Variants in ERC2 observed in about 807,000 individuals in gnomAD.
ERC2 encodes ERC protein 2.
A neutral mutation model predicts 114.8 loss-of-function variants in ERC2; 42 were observed. The ratio of observed to expected loss-of-function variants is 0.37; its 90% confidence interval spans 0.29 to 0.47. The LOEUF (loss-of-function observed/expected upper bound fraction) is 0.47, where lower values mean the gene tolerates loss of function less well. ERC2 is among the 20% of genes least tolerant of loss of function. The pLI is 0.99. For missense variants in ERC2, 939 were observed against 1,150.7 expected (o/e 0.82, Z 2.66); for synonymous variants, 454 against 425.5 (o/e 1.07, Z -0.82).
chr3:56,089,445 T>C (rs1259777281), intron 6 of ERC2, among the ~76,000 whole-genome samples: 1 of 152,138 alleles, frequency 6.6e-6, no homozygotes, highest in East Asian at 1.9e-4. Flanking sequence ...AATAGCCCCA[T>C]TTAAAAAGTA....
At chr3:56,081,895 C>T (rs1017198244) in intron 6 of ERC2, among the ~76,000 whole-genome samples, 31 of 152,058 alleles carry the variant, frequency 2.0e-4, no homozygotes, top group African/African-American at 4.3e-4. Context: ...ATATTTGCAA[C>T]CATGTTTATA....
chr3:55,901,789 C>T (rs2064150467), intron 13 of ERC2, among the ~76,000 whole-genome samples: 1 of 152,162 alleles, frequency 6.6e-6, no homozygotes, highest in Admixed American at 6.5e-5. Flanking sequence ...AAGGAAGAAT[C>T]CCTCCACAAA....
rs1286681746 is a variant in ERC2 at position 55,822,522 on chromosome 3, C to T, written c.2564+65867G>A. On this transcript the variant is annotated intron_variant, in intron 14 of 17. Coordinates refer to ENST00000288221, the MANE Select transcript of ERC2 (RefSeq NM_015576.3). ...TTCATCCTCATCATGGTTCTTATCA[C>T]CAGCTGGACTGTTCTGACTTACAAG... Among the ~76,000 whole-genome samples the T allele has an allele frequency of 2.6e-5, 4 of 151,910 alleles. No individual in the cohort carries two copies. The East Asian group carries it at 7.7e-4, about 29-fold the overall frequency.
rs1432542542 is a variant in ERC2 at position 56,468,370 on chromosome 3, G to C, written c.-263C>G. On this transcript the variant is annotated 5_prime_UTR_variant, in exon 1 of 18. Transcript: ENST00000288221. ...AGCCGGAGACCGAGCGAGCAGGAGC[G>C]GGAGGCGGAGGAAGAGGAGGAGAAG... 1 of 154,104 alleles carries C rather than the reference G, an allele frequency of 6.5e-6. No individual in the cohort carries two copies. Among genetic ancestry groups the C allele is most frequent in the Non-Finnish European group, 1.4e-5 (1 of 69,580 alleles). The allele number at this position is 154,104 out of a possible 1,614,324, so 9.5% of individuals were successfully genotyped here.
intron 2 of ERC2, among the ~76,000 whole-genome samples, chr3:56,314,186 T>C (rs2056757250): frequency 6.6e-6 from 1 of 152,196 alleles, no homozygotes; most frequent in Non-Finnish European, 1.5e-5. Flanking sequence ...TAACCTTGAA[T>C]GGGCCTCCAA....
intron 12 of ERC2, among the ~76,000 whole-genome samples, chr3:55,961,075 C>T (rs1409590724): frequency 5.3e-5 from 8 of 152,228 alleles, no homozygotes; most frequent in African/African-American, 9.6e-5. Flanking sequence ...GAGCCAAGAT[C>T]GTGCCACTTC....
At chr3:56,286,414 C>CAAAA (rs778645110) in intron 3 of ERC2, among the ~76,000 whole-genome samples, 36 of 30,276 alleles carry the variant, frequency 1.2e-3, no homozygotes, top group South Asian at 4.4e-3. Flanking sequence ...AACTCCATCT[C>CAAAA]AAAAAAAAAA....
At chr3:56,187,546 C>T (rs1459764842) in intron 3 of ERC2, among the ~76,000 whole-genome samples, 1 of 152,130 alleles carries the variant, frequency 6.6e-6, no homozygotes, top group Admixed American at 6.5e-5. Context: ...ATACACGCAT[C>T]CACACACTAA....
At chr3:55,868,765 A>C (rs2062438156) in intron 14 of ERC2, among the ~76,000 whole-genome samples, 1 of 152,204 alleles carries the variant, frequency 6.6e-6, no homozygotes. Context: ...TTCTTTTCCT[A>C]AGGTTTTATA....
At chr3:56,050,390 G>A in intron 7 of ERC2, among the ~76,000 whole-genome samples, 1 of 152,166 alleles carries the variant, frequency 6.6e-6, no homozygotes, top group East Asian at 1.9e-4. Flanking sequence ...AAACAAGCTG[G>A]TGGATTGTTG....
At chr3:56,252,757 CAAAAA>C (rs71099628) in intron 3 of ERC2, among the ~76,000 whole-genome samples, 1 of 74,194 alleles carries the variant, frequency 1.3e-5, no homozygotes, top group Non-Finnish European at 2.5e-5. Context: ...AACTCTGTCT[CAAAAA>C]AAAAAAAAAA....
intron 2 of ERC2, among the ~76,000 whole-genome samples, chr3:56,317,051 G>A (rs1441032388): frequency 6.6e-6 from 1 of 152,158 alleles, no homozygotes; most frequent in East Asian, 1.9e-4. Flanking sequence ...ATCGTCCTTG[G>A]CCTTGAGAAG....
At chr3:56,457,853 G>C (rs1303666415) in intron 1 of ERC2, among the ~76,000 whole-genome samples, 1 of 152,114 alleles carries the variant, frequency 6.6e-6, no homozygotes. Flanking sequence ...CACTTTAGGT[G>C]CTACTTTCTT....
chr3:55,546,078 G>A (rs1262266315), intron 17 of ERC2, among the ~76,000 whole-genome samples: 1 of 152,204 alleles, frequency 6.6e-6, no homozygotes, highest in Non-Finnish European at 1.5e-5. Context: ...TGCAGTATGG[G>A]ATAAGCTAGG....
intron 6 of ERC2, among the ~76,000 whole-genome samples, chr3:56,137,145 T>C (rs368216069): frequency 4.3e-4 from 66 of 152,258 alleles, no homozygotes; most frequent in African/African-American, 1.5e-3. Flanking sequence ...CAGTATAAGA[T>C]AGTGAGAAGA....
chr3:56,018,876 T>C lies in ERC2; in HGVS notation c.1779+18A>G, dbSNP rs2073506979. 58 of 1,606,604 alleles carry C rather than the reference T, an allele frequency of 3.6e-5. No homozygotes were observed. The highest frequency in any genetic ancestry group is 4.8e-5 in the Non-Finnish European group (57 of 1,177,308). On this transcript the variant is annotated intron_variant, in intron 8 of 17. Transcript: ENST00000288221. Reference sequence around the variant, plus strand: ...TTTCCCCATATCCTGATTCCCCAGTTTTTGAGTGCATGCTCACCTTCTCTG... The same window carrying C: ...TTTCCCCATATCCTGATTCCCCAGTCTTTGAGTGCATGCTCACCTTCTCTG...
intron 17 of ERC2, among the ~76,000 whole-genome samples, chr3:55,647,596 A>G (rs574860501): frequency 6.6e-6 from 1 of 152,248 alleles, no homozygotes; most frequent in East Asian, 1.9e-4. Flanking sequence ...AGAGAGAGAG[A>G]CAGAGATAGC....
chr3:55,888,288 C>CT, intron 14 of ERC2, 101 bp downstream of exon 14: 1 of 1,366,750 alleles, frequency 7.3e-7, no homozygotes, highest in Non-Finnish European at 9.9e-7. Flanking sequence ...CTAAATTATT[C>CT]TTTTTCTGAG....
chr3:56,216,288 C>T (rs2049464933), intron 3 of ERC2, among the ~76,000 whole-genome samples: 1 of 151,994 alleles, frequency 6.6e-6, no homozygotes, highest in African/African-American at 2.4e-5. Context: ...CAAATAGATG[C>T]AATAAAAAAT....
Sources: allele counts gnomAD v4.1 joint callset (sites outside exome capture counted in the v4.1 genomes callset), GRCh38; gene constraint gnomAD v4.1.1; transcripts MANE v1.5; gene names NCBI Gene and HGNC (gene_info 2026-07-23, HGNC 2026-07-21).